The following NUGGC variants were observed in gnomAD, a reference collection of about 807,000 sequenced individuals.
NUGGC encodes the protein nuclear GTPase, germinal center associated.
Under a neutral mutation model 92.6 loss-of-function variants are expected in NUGGC, and 58 were observed. That is an observed-to-expected ratio of 0.63 (90% CI 0.51 to 0.78). NUGGC has a LOEUF of 0.78. NUGGC is among the 30% of genes least tolerant of loss of function. The pLI, the probability that NUGGC is intolerant of heterozygous loss-of-function variation, is 0.00. For synonymous variants in NUGGC, 376 were observed against 366.4 expected (o/e 1.03, Z -0.30); for missense variants, 925 against 964.6 (o/e 0.96, Z 0.54).
intron 12 of NUGGC, among the ~76,000 whole-genome samples, chr8:28,041,857 G>C (rs1475121614): frequency 6.6e-6 from 1 of 152,156 alleles, no homozygotes; most frequent in Non-Finnish European, 1.5e-5. Flanking sequence ...ATACAAGGAA[G>C]TGACCACCAG....
At chr8:28,068,495 A>C in intron 4 of NUGGC, 57 bp from the exon 5 acceptor site, 1 of 1,219,376 alleles carries the variant, frequency 8.2e-7, no homozygotes, top group Non-Finnish European at 1.2e-6. Flanking sequence ...AGTGAAGAGC[A>C]TTGAAACAGA....
At chr8:28,027,161 G>A (rs774602998) in intron 17 of NUGGC, 109 bp from the exon 18 acceptor site, 65 of 873,782 alleles carry the variant, frequency 7.4e-5, no homozygotes, top group South Asian at 3.1e-4. Flanking sequence ...ACAGACTGGG[G>A]TTGCCAAAGT....
At chr8:28,054,154 T>C (rs1256518599) in intron 10 of NUGGC, among the ~76,000 whole-genome samples, 2 of 152,232 alleles carry the variant, frequency 1.3e-5, no homozygotes, top group Non-Finnish European at 2.9e-5. Context: ...GTTTATATTT[T>C]ATCTTAAACT....
At chr8:28,026,546 G>A (rs1175388688) in intron 18 of NUGGC, among the ~76,000 whole-genome samples, 3 of 152,226 alleles carry the variant, frequency 2.0e-5, no homozygotes, top group Middle Eastern at 3.2e-3. Flanking sequence ...TTTATGGAGA[G>A]AGCAGGGCAG....
At chr8:28,045,319 T>TCAG (rs1809801981) in intron 12 of NUGGC, among the ~76,000 whole-genome samples, 10 of 152,214 alleles carry the variant, frequency 6.6e-5, no homozygotes, top group Admixed American at 6.5e-4. Flanking sequence ...AGCCCATCTG[T>TCAG]CCCAGGTAAA....
At chr8:28,056,407 A>G (rs796780817) in intron 9 of NUGGC, among the ~76,000 whole-genome samples, 1 of 151,526 alleles carries the variant, frequency 6.6e-6, no homozygotes, top group Non-Finnish European at 1.5e-5. Context: ...GAACACAGGA[A>G]GCAGAGCTTG....
intron 7 of NUGGC, among the ~76,000 whole-genome samples, chr8:28,062,732 G>A (rs1187861030): frequency 6.6e-6 from 1 of 152,206 alleles, no homozygotes; most frequent in Non-Finnish European, 1.5e-5. Context: ...CTCCTTAAGG[G>A]CAGGGCCCCC....
intron 1 of NUGGC, among the ~76,000 whole-genome samples, 197 bp from the exon 2 acceptor site, chr8:28,074,653 C>T (rs1202225346): frequency 6.6e-6 from 1 of 152,134 alleles, no homozygotes; most frequent in Non-Finnish European, 1.5e-5. Context: ...TCCAATAATA[C>T]TTAGGCCAGG....
rs1478293895 is a variant in NUGGC, at chr8:28,070,372, G to C, written c.44-16C>G. ...TCATCTTCAACTAGAGATAAACAGA[G>C]GATATATAAGATTATAGGTGTTGGG... On this transcript the variant is annotated splice_polypyrimidine_tract_variant and intron_variant, in intron 2 of 18. Coordinates refer to ENST00000413272, the MANE Select transcript of NUGGC (RefSeq NM_001010906.2). 1 of 1,299,594 alleles carries C rather than the reference G, an allele frequency of 7.7e-7. No individual in the cohort carries two copies. Among genetic ancestry groups the C allele is most frequent in the Admixed American group, 2.0e-5 (1 of 49,896 alleles). 80.5% of individuals were successfully genotyped at this position (1,299,594 alleles called of 1,614,324 possible).
chr8:28,060,656 A>T, intron 7 of NUGGC, 55 bp from the exon 8 acceptor site: 1 of 1,518,248 alleles, frequency 6.6e-7, no homozygotes, highest in Non-Finnish European at 9.0e-7. Flanking sequence ...ACAGTTCCTG[A>T]GGACCGGTTC....
intron 10 of NUGGC, among the ~76,000 whole-genome samples, chr8:28,053,443 G>A (rs1428228329): frequency 2.0e-5 from 3 of 152,032 alleles, no homozygotes; most frequent in African/African-American, 7.2e-5. Flanking sequence ...TTATCATTGT[G>A]CCACTACACT....
rs1420414932 is a variant in NUGGC, at chr8:28,067,602, GC to G, written c.622del (p.Ala208GlnfsTer10). On this transcript the variant is annotated frameshift_variant, in exon 6 of 19. Coordinates refer to ENST00000413272, the MANE Select transcript of NUGGC (RefSeq NM_001010906.2). LOFTEE classifies it high-confidence loss of function. ...TAACTCCTCATAGTTCTTACTCTCT[GC>G]CCCATTTCCATAAATCATTTGTAGC... ...WKLQMIYGNG[A>X]ESKNYEELLR... is the part of the protein sequence containing the mutation. 5 of 1,613,826 alleles carry G rather than the reference GC, an allele frequency of 3.1e-6. No homozygotes were observed. Among genetic ancestry groups the G allele is most frequent in the Non-Finnish European group, 4.2e-6 (5 of 1,179,780 alleles).
rs1810273004 is a variant in NUGGC, at chr8:28,060,491, GC to G, written c.1031del (p.Gly344AlafsTer22). ...CCACCAGGGCCACGTCCCTACAGAA[GC>G]CCCGCTGGCAGGCTTTGATGCTCTC... The part of the protein sequence containing the change: ...LNESIKACQR[G>X]FCRDVALVVT... On this transcript the variant is annotated frameshift_variant, in exon 8 of 19. Transcript: ENST00000413272. LOFTEE classifies it high-confidence loss of function. 6.2e-7 allele frequency: 1 copy of G among 1,613,814 alleles called. No homozygotes were observed. Among genetic ancestry groups the G allele is most frequent in the South Asian group, 1.1e-5 (1 of 91,076 alleles).
chr8:28,082,438 C>G (rs550116802), intron 1 of NUGGC, among the ~76,000 whole-genome samples: 1 of 152,370 alleles, frequency 6.6e-6, no homozygotes, highest in South Asian at 2.1e-4. Flanking sequence ...TAAGATGACA[C>G]TTCCCTCCTT....
chr8:28,037,665 G>A (rs1809590177), intron 13 of NUGGC, among the ~76,000 whole-genome samples: 1 of 152,184 alleles, frequency 6.6e-6, no homozygotes, highest in South Asian at 2.1e-4. Context: ...TTTTCTCAGG[G>A]ATTGGTTTAG....
At chr8:28,043,381 GT>G (rs1809749000) in intron 12 of NUGGC, among the ~76,000 whole-genome samples, 1 of 151,972 alleles carries the variant, frequency 6.6e-6, no homozygotes, top group African/African-American at 2.4e-5. Flanking sequence ...CAAATTTTTG[GT>G]TTCAGTGATC....
At chr8:28,079,122 G>A (rs926070841) in intron 1 of NUGGC, among the ~76,000 whole-genome samples, 3 of 152,120 alleles carry the variant, frequency 2.0e-5, no homozygotes, top group Non-Finnish European at 2.9e-5. Context: ...AGTTATTCTT[G>A]CTTCTCTCCC....
intron 1 of NUGGC, among the ~76,000 whole-genome samples, chr8:28,076,649 G>C (rs1318390596): frequency 2.0e-5 from 3 of 152,150 alleles, no homozygotes; most frequent in African/African-American, 7.2e-5. Context: ...AAAGCAAAGA[G>C]TAGAAATAAA....
intron 16 of NUGGC, 99 bp downstream of exon 16, chr8:28,030,211 A>G: frequency 1.4e-6 from 1 of 705,600 alleles, no homozygotes; most frequent in Non-Finnish European, 2.6e-6. Context: ...CTTAGGGTGC[A>G]AGAGAACAGG....
Sources: allele counts gnomAD v4.1 joint callset (sites outside exome capture counted in the v4.1 genomes callset), GRCh38; gene constraint gnomAD v4.1.1; transcripts MANE v1.5; gene names NCBI Gene and HGNC (gene_info 2026-07-23, HGNC 2026-07-21).